Variants in MAP2 observed in about 807,000 individuals in gnomAD.
The protein encoded by MAP2 is microtubule associated protein 2.
Under a neutral mutation model 137.6 loss-of-function variants are expected in MAP2, and 14 were observed. The observed-to-expected ratio is 0.10, with a 90% CI of 0.07 to 0.16. The LOEUF is 0.16. Ranked by LOEUF, MAP2 falls within the 10% of genes least tolerant of loss-of-function variation. The probability of loss-of-function intolerance (pLI) is 1.00; values close to 1 mark genes in which losing one functional copy is unlikely to be tolerated. For synonymous variants in MAP2, 786 were observed against 782.3 expected (o/e 1.00, Z -0.08); for missense variants, 2,088 against 2,191.5 (o/e 0.95, Z 0.94).
intron 2 of MAP2, among the ~76,000 whole-genome samples, chr2:209,536,986 G>A (rs901031023): frequency 2.0e-5 from 3 of 152,176 alleles, no homozygotes; most frequent in African/African-American, 7.2e-5. Context: ...GTGTTTTATA[G>A]GATTTTTTTC....
intron 10 of MAP2, among the ~76,000 whole-genome samples, chr2:209,698,770 TA>T (rs1398164647): frequency 6.6e-6 from 1 of 152,188 alleles, no homozygotes; most frequent in Non-Finnish European, 1.5e-5. Context: ...TCATTAAACT[TA>T]GAACTTCATT....
intron 1 of MAP2, among the ~76,000 whole-genome samples, chr2:209,467,232 A>G (rs1193763214): frequency 1.3e-5 from 2 of 152,100 alleles, no homozygotes; most frequent in African/African-American, 4.8e-5. Context: ...TATTAAATTA[A>G]TTGCAACGAC....
chr2:209,601,212 T>C (rs1015716394), intron 3 of MAP2, among the ~76,000 whole-genome samples: 1 of 152,224 alleles, frequency 6.6e-6, no homozygotes, highest in Non-Finnish European at 1.5e-5. Context: ...CATTTAAAAT[T>C]TTTATTTTTA....
chr2:209,720,612 C>A (rs2070154832), intron 13 of MAP2, among the ~76,000 whole-genome samples: 1 of 143,346 alleles, frequency 7.0e-6, no homozygotes. Flanking sequence ...GCACTCCAGC[C>A]TGGGTGACAG....
chr2:209,496,186 C>G (rs962642886), intron 1 of MAP2, among the ~76,000 whole-genome samples: 1 of 152,076 alleles, frequency 6.6e-6, no homozygotes, highest in African/African-American at 2.4e-5. Context: ...GTGAGTCATT[C>G]CACATTTATA....
At chr2:209,644,017 A>C (rs1462777314) in intron 4 of MAP2, among the ~76,000 whole-genome samples, 1 of 152,172 alleles carries the variant, frequency 6.6e-6, no homozygotes, top group Non-Finnish European at 1.5e-5. Context: ...CTTGGCTGAA[A>C]GCACTAGTCT....
chr2:209,439,204 G>A (rs1024125787), intron 1 of MAP2, among the ~76,000 whole-genome samples: 9 of 151,478 alleles, frequency 5.9e-5, no homozygotes, highest in Admixed American at 3.3e-4. Flanking sequence ...GTTTGACTGA[G>A]TGCTGTTATT....
chr2:209,577,989 T>C (rs1350063513), intron 2 of MAP2, among the ~76,000 whole-genome samples: 1 of 152,218 alleles, frequency 6.6e-6, no homozygotes, highest in East Asian at 1.9e-4. Context: ...ATCACTGCTG[T>C]AGCAAATACA....
intron 3 of MAP2, among the ~76,000 whole-genome samples, chr2:209,607,457 C>G (rs977000551): frequency 6.6e-6 from 1 of 152,154 alleles, no homozygotes; most frequent in Non-Finnish European, 1.5e-5. Flanking sequence ...TTGTTTGAGA[C>G]AGAGGCTCAC....
chr2:209,524,974 A>G (rs1487457175), intron 2 of MAP2, among the ~76,000 whole-genome samples: 1 of 152,144 alleles, frequency 6.6e-6, no homozygotes, highest in African/African-American at 2.4e-5. Context: ...TCGTCTGCTA[A>G]GCAGCTGTGT....
intron 14 of MAP2, among the ~76,000 whole-genome samples, chr2:209,726,296 C>T (rs2073968063): frequency 6.6e-6 from 1 of 152,204 alleles, no homozygotes; most frequent in African/African-American, 2.4e-5. Context: ...GTTTCCTCAA[C>T]TTATTTGACC....
chr2:209,476,647 A>G (rs546978344), intron 1 of MAP2, among the ~76,000 whole-genome samples: 1 of 152,180 alleles, frequency 6.6e-6, no homozygotes, highest in African/African-American at 2.4e-5. Flanking sequence ...TACGACGTCC[A>G]TATGATTAAG....
intron 2 of MAP2, among the ~76,000 whole-genome samples, chr2:209,535,166 T>C (rs1003396071): frequency 6.6e-6 from 1 of 152,190 alleles, no homozygotes; most frequent in Non-Finnish European, 1.5e-5. Context: ...GATATTTATA[T>C]AAATGGAATG....
intron 5 of MAP2, among the ~76,000 whole-genome samples, chr2:209,656,579 A>G (rs1236120262): frequency 6.6e-6 from 1 of 152,140 alleles, no homozygotes; most frequent in Non-Finnish European, 1.5e-5. Context: ...CCATAAAAAG[A>G]ATTATTTGCT....
chr2:209,511,436 C>T (rs2061704273), intron 2 of MAP2, among the ~76,000 whole-genome samples: 1 of 152,142 alleles, frequency 6.6e-6, no homozygotes, highest in East Asian at 1.9e-4. Context: ...GCTCTCAGTG[C>T]TATAAGACTT....
chr2:209,570,626 A>G (rs1578583107), intron 2 of MAP2, among the ~76,000 whole-genome samples: 3 of 151,926 alleles, frequency 2.0e-5, no homozygotes, highest in African/African-American at 7.2e-5. Flanking sequence ...GCATTATAGT[A>G]TAATGATGGT....
intron 3 of MAP2, among the ~76,000 whole-genome samples, chr2:209,595,873 C>T (rs541156156): frequency 2.0e-5 from 3 of 152,230 alleles, no homozygotes; most frequent in Admixed American, 6.5e-5. Flanking sequence ...CCAAACACTG[C>T]ATGTTCTCAC....
intron 1 of MAP2, among the ~76,000 whole-genome samples, chr2:209,498,099 T>C (rs1298103420): frequency 1.3e-5 from 2 of 152,178 alleles, no homozygotes; most frequent in Non-Finnish European, 2.9e-5. Context: ...AGTTATTTAC[T>C]CCCAATATAC....
chr2:209,426,345 TTTTA>T (rs1463607649), intron 1 of MAP2, among the ~76,000 whole-genome samples: 3 of 152,154 alleles, frequency 2.0e-5, no homozygotes, highest in African/African-American at 7.2e-5. Context: ...TTAATTTTTA[TTTTA>T]TTTATCTCCT....
Sources: allele counts gnomAD v4.1 joint callset (sites outside exome capture counted in the v4.1 genomes callset), GRCh38; gene constraint gnomAD v4.1.1; transcripts MANE v1.5; gene names NCBI Gene and HGNC (gene_info 2026-07-23, HGNC 2026-07-21).